The following MPP7 variants were observed in gnomAD, a reference collection of about 807,000 sequenced individuals.
MPP7 encodes MAGUK p55 subfamily member 7.
In MPP7, 60 loss-of-function variants were observed where a neutral mutation model predicts 76.5. The observed-to-expected ratio is 0.78, with a 90% confidence interval of 0.64 to 0.97. MPP7 has a LOEUF of 0.97. Among genes scored for constraint, MPP7 ranks in the 50% least tolerant of loss-of-function variants. MPP7 has a pLI of 0.00. For synonymous variants in MPP7, 237 were observed against 244.5 expected (o/e 0.97, Z 0.29); for missense variants, 641 against 694.0 (o/e 0.92, Z 0.86).
At chr10:28,301,991 T>C (rs995508666) in intron 1 of MPP7, among the ~76,000 whole-genome samples, 19 of 152,218 alleles carry the variant, frequency 1.2e-4, no homozygotes, top group African/African-American at 3.9e-4. Flanking sequence ...CTGCAAACTA[T>C]TACTGCCTGA....
intron 3 of MPP7, among the ~76,000 whole-genome samples, chr10:28,189,585 A>C (rs1172837400): frequency 1.3e-5 from 2 of 150,476 alleles, no homozygotes; most frequent in Admixed American, 6.6e-5. Context: ...AAAAAAAAAA[A>C]AAAAAAAAAA....
At chr10:28,215,504 G>T (rs2134037875) in intron 2 of MPP7, among the ~76,000 whole-genome samples, 1 of 152,272 alleles carries the variant, frequency 6.6e-6, no homozygotes, top group Admixed American at 6.5e-5. Flanking sequence ...GAACAACTCA[G>T]GGACAGCGTT....
At chr10:28,063,233 G>A (rs893951341) in intron 13 of MPP7, among the ~76,000 whole-genome samples, 5 of 152,150 alleles carry the variant, frequency 3.3e-5, no homozygotes, top group Non-Finnish European at 5.9e-5. Flanking sequence ...GCTGAGGCAG[G>A]TGGATCACTT....
chr10:28,101,077 T>C (rs1853804137), intron 11 of MPP7, among the ~76,000 whole-genome samples: 1 of 152,114 alleles, frequency 6.6e-6, no homozygotes, highest in Non-Finnish European at 1.5e-5. Flanking sequence ...GTTTTCTCAG[T>C]TGAGTCTGTG....
chr10:28,219,584 A>C (rs887971041), intron 2 of MPP7, among the ~76,000 whole-genome samples: 1 of 152,180 alleles, frequency 6.6e-6, no homozygotes, highest in African/African-American at 2.4e-5. Flanking sequence ...GGGTTCAATC[A>C]TACTCATATA....
chr10:28,323,629 G>A (rs975314926), intron 2 of MPP7, among the ~76,000 whole-genome samples: 62 of 152,200 alleles, frequency 4.1e-4, no homozygotes, highest in Admixed American at 3.8e-3. Context: ...GGGATCACGT[G>A]AGGCCAGGAG....
chr10:28,075,804 A>G (rs904966745), intron 12 of MPP7, among the ~76,000 whole-genome samples: 8 of 152,166 alleles, frequency 5.3e-5, no homozygotes, highest in African/African-American at 1.9e-4. Context: ...AGGAATTATC[A>G]CACTGCATTG....
intron 12 of MPP7, among the ~76,000 whole-genome samples, chr10:28,085,753 A>G (rs919228114): frequency 4.6e-5 from 7 of 152,184 alleles, no homozygotes; most frequent in African/African-American, 1.7e-4. Context: ...ATCAGGAATC[A>G]AACTTAAGGA....
chr10:28,172,230 A>T (rs1452895334), intron 3 of MPP7, among the ~76,000 whole-genome samples: 3 of 152,250 alleles, frequency 2.0e-5, no homozygotes, highest in African/African-American at 7.2e-5. Context: ...TAGGACCTCA[A>T]CATACTACAG....
intron 1 of MPP7, among the ~76,000 whole-genome samples, chr10:28,254,000 A>G (rs1270715783): frequency 2.2e-5 from 3 of 137,578 alleles, no homozygotes; most frequent in African/African-American, 8.0e-5. Flanking sequence ...TGTCTCACAA[A>G]AAAGAAAAAA....
chr10:28,199,058 A>G (rs1837683442), intron 3 of MPP7, among the ~76,000 whole-genome samples: 1 of 152,298 alleles, frequency 6.6e-6, no homozygotes, highest in South Asian at 2.1e-4. Flanking sequence ...CGAAAGGCAC[A>G]TCTTACATCG....
chr10:28,141,389 A>T (rs1185819863), intron 5 of MPP7, among the ~76,000 whole-genome samples: 1 of 152,146 alleles, frequency 6.6e-6, no homozygotes, highest in Non-Finnish European at 1.5e-5. Flanking sequence ...GCAATAAGGT[A>T]ACGGGGGAAA....
At chr10:28,205,362 T>G (rs1362002951) in intron 2 of MPP7, among the ~76,000 whole-genome samples, 1 of 152,190 alleles carries the variant, frequency 6.6e-6, no homozygotes, top group Non-Finnish European at 1.5e-5. Context: ...GTTCCTAAAG[T>G]TCTAATGGTG....
At chr10:28,058,087 CAAAGACTTGG>C (rs1166643985) in intron 15 of MPP7, among the ~76,000 whole-genome samples, 1 of 152,106 alleles carries the variant, frequency 6.6e-6, no homozygotes, top group East Asian at 1.9e-4. Flanking sequence ...GAACCAAAGT[CAAAGACTTGG>C]AACCAAAATG....
At chr10:28,236,169 T>A (rs1440776543) in intron 2 of MPP7, among the ~76,000 whole-genome samples, 2 of 152,200 alleles carry the variant, frequency 1.3e-5, no homozygotes, top group African/African-American at 4.8e-5. Context: ...TTAACCACTC[T>A]GGAGGACAAT....
chr10:28,175,050 G>A (rs1433016300), intron 3 of MPP7, among the ~76,000 whole-genome samples: 2 of 152,112 alleles, frequency 1.3e-5, no homozygotes, highest in African/African-American at 2.4e-5. Flanking sequence ...AGCACTTTGG[G>A]AGGCCGAGGT....
chr10:28,272,633 G>A (rs1047830505), intron 1 of MPP7, among the ~76,000 whole-genome samples: 5 of 151,896 alleles, frequency 3.3e-5, no homozygotes, highest in African/African-American at 7.3e-5. Context: ...TCAACTAAAC[G>A]TCACCTTTTC....
chr10:28,262,244 CATATATATATAT>C (rs1209809486), intron 1 of MPP7, among the ~76,000 whole-genome samples: 2 of 36,400 alleles, frequency 5.5e-5, no homozygotes, highest in Non-Finnish European at 8.2e-5. Flanking sequence ...TATATATATA[CATATATATATAT>C]ATGTATATAT....
intron 2 of MPP7, among the ~76,000 whole-genome samples, chr10:28,237,358 A>C (rs533885181): frequency 6.6e-6 from 1 of 152,318 alleles, no homozygotes; most frequent in Admixed American, 6.5e-5. Context: ...AAAATTTCCA[A>C]AGGGTCTGGC....
Sources: gnomAD v4.1 joint callset for allele counts (sites outside exome capture counted in the v4.1 genomes callset) on GRCh38, gnomAD v4.1.1 for gene constraint, MANE v1.5 for transcripts, NCBI Gene and HGNC (gene_info 2026-07-23, HGNC 2026-07-21) for gene names.